The following FBXW7 variants were observed in gnomAD, a reference collection of about 807,000 sequenced individuals.
The protein encoded by FBXW7 is F-box and WD repeat domain containing 7.
A neutral mutation model predicts 86.3 loss-of-function variants in FBXW7; 11 were observed. The ratio of observed to expected loss-of-function variants is 0.13; its 90% confidence interval spans 0.08 to 0.21. The LOEUF (loss-of-function observed/expected upper bound fraction) is 0.21, where lower values mean the gene tolerates loss of function less well. Among genes scored for constraint, FBXW7 ranks in the 10% least tolerant of loss-of-function variants. FBXW7 has a pLI of 1.00. For missense variants in FBXW7, 488 were observed against 847.4 expected, an observed-to-expected ratio of 0.58 and a Z score of 5.27; for synonymous variants, 313 against 297.9, an observed-to-expected ratio of 1.05 and a Z score of -0.52.
intron 4 of FBXW7, among the ~76,000 whole-genome samples, chr4:152,385,105 T>C (rs1259132983): frequency 1.3e-5 from 2 of 152,044 alleles, no homozygotes; most frequent in Non-Finnish European, 2.9e-5. Flanking sequence ...ACAACAGTTT[T>C]CTGCAGTCTG....
intron 4 of FBXW7, among the ~76,000 whole-genome samples, chr4:152,387,115 T>A (rs1579064967): frequency 6.6e-6 from 1 of 152,130 alleles, no homozygotes. Context: ...AAGATGTAAA[T>A]CTCCCTGCAA....
At chr4:152,477,606 T>G (rs1052876025) in intron 2 of FBXW7, among the ~76,000 whole-genome samples, 2 of 152,182 alleles carry the variant, frequency 1.3e-5, no homozygotes, top group African/African-American at 2.4e-5. Context: ...ATTTTTCATA[T>G]ATCATCCCAG....
chr4:152,363,952 A>C (rs1488189670), intron 4 of FBXW7, among the ~76,000 whole-genome samples: 1 of 152,180 alleles, frequency 6.6e-6, no homozygotes, highest in Non-Finnish European at 1.5e-5. Context: ...TTGGCAGTTT[A>C]AATATCTCTA....
At chr4:152,392,148 C>T (rs567695454) in intron 4 of FBXW7, among the ~76,000 whole-genome samples, 8 of 152,086 alleles carry the variant, frequency 5.3e-5, no homozygotes, top group Non-Finnish European at 1.0e-4. Context: ...GTAGTCACAA[C>T]GCTGTCCCCC....
At chr4:152,502,476 C>T (rs1446911317) in intron 2 of FBXW7, among the ~76,000 whole-genome samples, 3 of 152,050 alleles carry the variant, frequency 2.0e-5, no homozygotes, top group African/African-American at 4.8e-5. Flanking sequence ...TACTTAAATA[C>T]GTTTTTCACA....
At position 152,411,689 on chromosome 4, in the gene FBXW7, C is replaced by T. The variant is rs1382805117; in HGVS notation, c.115G>A (p.Glu39Lys). The change falls in exon 4 of 14, where the codon GAG becomes AAG. Residue 39 changes from glutamate (E) to lysine (K), a missense_variant. By Grantham distance (56) the Glu-to-Lys change is moderately conservative. This residue lies in a region of FBXW7 where 230 missense variants were observed against 240.0 expected (regional missense o/e 0.96). Transcript: ENST00000281708. ...DEEQMNRVVE[E>K]EQQQQLRQQE... ...TGTCTGAGTTGCTGTTGCTGTTCCT[C>T]CTCTACCACACGATTCATCTGTTCT... is the stretch of plus-strand genomic sequence containing the variant. 6.2e-7 allele frequency: 1 copy of T among 1,613,894 alleles called. No homozygotes were observed. Among genetic ancestry groups the T allele is most frequent in the Admixed American group, 1.7e-5 (1 of 59,966 alleles).
At chr4:152,357,077 G>A (rs1732453523) in intron 4 of FBXW7, among the ~76,000 whole-genome samples, 1 of 152,008 alleles carries the variant, frequency 6.6e-6, no homozygotes, top group Non-Finnish European at 1.5e-5. Flanking sequence ...AAAACAAGAT[G>A]AGCCAGCTTT....
At chr4:152,510,445 G>A (rs545591324) in intron 2 of FBXW7, among the ~76,000 whole-genome samples, 25 of 152,026 alleles carry the variant, frequency 1.6e-4, no homozygotes, top group South Asian at 6.2e-4. Context: ...CAAAACTTAC[G>A]TATTATCAAC....
chr4:152,517,008 T>C (rs879319683), intron 2 of FBXW7, among the ~76,000 whole-genome samples: 1 of 152,086 alleles, frequency 6.6e-6, no homozygotes, highest in Non-Finnish European at 1.5e-5. Context: ...GTATGTTCAG[T>C]AGAGATGGTT....
At chr4:152,427,847 C>T (rs1228548270) in intron 2 of FBXW7, among the ~76,000 whole-genome samples, 1 of 152,152 alleles carries the variant, frequency 6.6e-6, no homozygotes, top group Non-Finnish European at 1.5e-5. Context: ...TAATCAAATA[C>T]ACTTGGAAAA....
At chr4:152,403,127 G>T (rs962351961) in intron 4 of FBXW7, among the ~76,000 whole-genome samples, 2 of 152,116 alleles carry the variant, frequency 1.3e-5, no homozygotes, top group African/African-American at 4.8e-5. Context: ...GGGAATACGG[G>T]AAGGGAGGGA....
chr4:152,337,713 A>G (rs1730278116), intron 7 of FBXW7, 89 bp downstream of exon 7: 1 of 1,353,288 alleles, frequency 7.4e-7, no homozygotes, highest in Non-Finnish European at 1.0e-6. Flanking sequence ...ACCGAATACC[A>G]TAATTAGCAT....
intron 2 of FBXW7, among the ~76,000 whole-genome samples, chr4:152,469,749 G>T (rs947128137): frequency 9.2e-5 from 14 of 152,054 alleles, no homozygotes; most frequent in Admixed American, 2.0e-4. Context: ...AGAATCTCTG[G>T]ACACAACATA....
At position 152,446,806 on chromosome 4, in the gene FBXW7, A is replaced by G. The variant is rs548841448; in HGVS notation, c.-119-34277T>C. Among the ~76,000 whole-genome samples, 16 of 152,342 alleles carry G rather than the reference A, an allele frequency of 1.1e-4. No homozygotes were observed. In the East Asian group the frequency reaches 1.2e-3, roughly 11 times the overall value. Reference sequence around the variant, plus strand: ...CATAGACGGCACTCCAGTAAAACATATCCATGATTAATTTGCTGGTGGCCC... The same window carrying G: ...CATAGACGGCACTCCAGTAAAACATGTCCATGATTAATTTGCTGGTGGCCC... On this transcript the variant is annotated intron_variant, in intron 2 of 13. Coordinates refer to ENST00000281708, the MANE Select transcript of FBXW7 (RefSeq NM_001349798.2).
intron 2 of FBXW7, among the ~76,000 whole-genome samples, chr4:152,511,878 A>G (rs908778881): frequency 6.6e-6 from 1 of 152,174 alleles, no homozygotes; most frequent in African/African-American, 2.4e-5. Flanking sequence ...TTTTAAGAAT[A>G]AGTAAAAATA....
intron 2 of FBXW7, among the ~76,000 whole-genome samples, chr4:152,522,122 T>C (rs1749076926): frequency 6.6e-6 from 1 of 152,062 alleles, no homozygotes; most frequent in South Asian, 2.1e-4. Flanking sequence ...AGCTCCAAGG[T>C]TTCCCCCAAT....
intron 2 of FBXW7, among the ~76,000 whole-genome samples, chr4:152,447,489 A>AT (rs1282751273): frequency 2.6e-5 from 4 of 152,208 alleles, no homozygotes; most frequent in African/African-American, 4.8e-5. Context: ...CAGTAGTTCT[A>AT]TTTTACAGTT....
chr4:152,344,044 G>C (rs1433941804), intron 6 of FBXW7, among the ~76,000 whole-genome samples: 1 of 152,130 alleles, frequency 6.6e-6, no homozygotes, highest in Non-Finnish European at 1.5e-5. Context: ...CTCCCATACT[G>C]CTTATTATGC....
intron 2 of FBXW7, among the ~76,000 whole-genome samples, chr4:152,505,517 TA>T (rs975807727): frequency 5.9e-5 from 9 of 152,134 alleles, no homozygotes; most frequent in Non-Finnish European, 1.2e-4. Flanking sequence ...TTTCCTGTTT[TA>T]AAAAAAATTT....
Sources: gnomAD v4.1 joint callset for allele counts (sites outside exome capture counted in the v4.1 genomes callset) on GRCh38, gnomAD v4.1.1 for gene constraint, gnomAD v4.1.1 regional missense constraint, MANE v1.5 for transcripts, NCBI Gene and HGNC (gene_info 2026-07-23, HGNC 2026-07-21) for gene names.